Variants in NTRK2 observed in about 807,000 individuals in gnomAD.
The protein encoded by NTRK2 is BDNF/NT-3 growth factors receptor.
A neutral mutation model predicts 94.5 loss-of-function variants in NTRK2; 13 were observed. The ratio of observed to expected loss-of-function variants is 0.14; its 90% CI spans 0.09 to 0.22. The LOEUF is 0.22. NTRK2 is among the 10% of genes least tolerant of loss of function. The probability of loss-of-function intolerance (pLI) is 1.00; values close to 1 mark genes in which losing one functional copy is unlikely to be tolerated. For synonymous variants in NTRK2, 372 were observed against 407.4 expected, an observed-to-expected ratio of 0.91 and a Z score of 1.05; for missense variants, 639 against 1,071.2, an observed-to-expected ratio of 0.60 and a Z score of 5.63.
At chr9:84,853,247 G>A (rs2074876144) in intron 12 of NTRK2, among the ~76,000 whole-genome samples, 2 of 152,164 alleles carry the variant, frequency 1.3e-5, no homozygotes, top group African/African-American at 4.8e-5. Flanking sequence ...ATAGGCCTCA[G>A]ATGCCATTTC....
At chr9:84,819,358 G>A (rs1361067093) in intron 12 of NTRK2, among the ~76,000 whole-genome samples, 3 of 152,142 alleles carry the variant, frequency 2.0e-5, no homozygotes, top group Admixed American at 1.3e-4. Context: ...GTACAGAGTC[G>A]CCAGCACTGT....
chr9:84,787,221 T>C (rs13302094), intron 12 of NTRK2, among the ~76,000 whole-genome samples: 3,941 of 151,866 alleles, frequency 0.026, 76 homozygotes, highest in Admixed American at 0.046. Context: ...TCGCTTGAAC[T>C]TGGGAGGTGG....
At chr9:84,979,006 C>T (rs984824097) in intron 17 of NTRK2, among the ~76,000 whole-genome samples, 7 of 152,208 alleles carry the variant, frequency 4.6e-5, no homozygotes, top group African/African-American at 7.2e-5. Context: ...CAAAATGTTA[C>T]TGCTTATTGA....
chr9:84,875,476 A>G (rs1587785998), intron 14 of NTRK2: 1 of 1,063,058 alleles, frequency 9.4e-7, no homozygotes, highest in East Asian at 5.0e-5. Context: ...CACTCCAGAT[A>G]ACTCCAAATG....
chr9:85,013,734 T>C, intron 17 of NTRK2, among the ~76,000 whole-genome samples: 1 of 152,096 alleles, frequency 6.6e-6, no homozygotes, highest in East Asian at 1.9e-4. Flanking sequence ...GATGAGGAGG[T>C]CTAGGAGCCC....
At chr9:84,959,487 T>C (rs1824618486) in intron 17 of NTRK2, among the ~76,000 whole-genome samples, 1 of 152,194 alleles carries the variant, frequency 6.6e-6, no homozygotes, top group African/African-American at 2.4e-5. Context: ...GTGCAATTCA[T>C]GGCAGGAGGG....
At chr9:84,754,899 G>A (rs1256912240) in intron 12 of NTRK2, among the ~76,000 whole-genome samples, 2 of 152,120 alleles carry the variant, frequency 1.3e-5, no homozygotes, top group Non-Finnish European at 2.9e-5. Context: ...AGTGTTGACT[G>A]TTTCAATCTG....
intron 17 of NTRK2, among the ~76,000 whole-genome samples, chr9:85,018,513 T>C (rs1832486536): frequency 6.6e-6 from 1 of 152,180 alleles, no homozygotes; most frequent in South Asian, 2.1e-4. Context: ...GTGAGATCAT[T>C]CTACCCTCAT....
At chr9:84,990,634 C>T (rs752364229) in intron 17 of NTRK2, among the ~76,000 whole-genome samples, 40 of 152,164 alleles carry the variant, frequency 2.6e-4, no homozygotes, top group Non-Finnish European at 4.6e-4. Context: ...AACTCTCCCA[C>T]GTTGGTTCCA....
chr9:84,720,068 C>A (rs1461388063), intron 6 of NTRK2, among the ~76,000 whole-genome samples: 7 of 142,250 alleles, frequency 4.9e-5, no homozygotes, highest in African/African-American at 1.8e-4. Context: ...AAAGCACAAA[C>A]ACTTGCAAGC....
intron 14 of NTRK2, among the ~76,000 whole-genome samples, chr9:84,907,519 A>C (rs945492551): frequency 6.6e-6 from 1 of 152,208 alleles, no homozygotes; most frequent in Non-Finnish European, 1.5e-5. Context: ...GGAACAAAAA[A>C]CAGCACACAT....
At chr9:84,851,949 A>G (rs1021091245) in intron 12 of NTRK2, among the ~76,000 whole-genome samples, 1 of 152,258 alleles carries the variant, frequency 6.6e-6, no homozygotes, top group Non-Finnish European at 1.5e-5. Context: ...AATACGTAGC[A>G]GAAATTGCAA....
At chr9:85,009,400 A>C (rs939403155) in intron 17 of NTRK2, among the ~76,000 whole-genome samples, 2 of 152,214 alleles carry the variant, frequency 1.3e-5, no homozygotes, top group African/African-American at 4.8e-5. Context: ...TGAGAAGCAC[A>C]GGGCTACACT....
chr9:84,739,609 T>G (rs1017881795), intron 9 of NTRK2, among the ~76,000 whole-genome samples: 1 of 152,160 alleles, frequency 6.6e-6, no homozygotes, highest in South Asian at 2.1e-4. Context: ...GCTTGTCACT[T>G]TCTTATGGAG....
intron 2 of NTRK2, among the ~76,000 whole-genome samples, chr9:84,682,354 A>G (rs1290993990): frequency 1.3e-5 from 2 of 152,204 alleles, no homozygotes; most frequent in African/African-American, 4.8e-5. Context: ...GTAATATTTG[A>G]AAGTGATCAG....
intron 4 of NTRK2, among the ~76,000 whole-genome samples, chr9:84,707,111 T>C (rs1307810844): frequency 1.3e-5 from 2 of 152,200 alleles, no homozygotes; most frequent in Non-Finnish European, 2.9e-5. Flanking sequence ...ACACTGATCA[T>C]TGGAAACTCT....
chr9:84,682,380 A>C (rs1456302730), intron 2 of NTRK2, among the ~76,000 whole-genome samples: 1 of 152,194 alleles, frequency 6.6e-6, no homozygotes, highest in Non-Finnish European at 1.5e-5. Context: ...CAAGCAGCGC[A>C]AAGGAGTGTA....
intron 12 of NTRK2, among the ~76,000 whole-genome samples, chr9:84,820,138 C>T (rs956034486): frequency 2.7e-5 from 4 of 150,198 alleles, no homozygotes; most frequent in Admixed American, 2.7e-4. Context: ...AACTTAACTA[C>T]TAATAGCTTA....
intron 2 of NTRK2, among the ~76,000 whole-genome samples, chr9:84,676,440 G>A (rs999735269): frequency 6.6e-6 from 1 of 152,222 alleles, no homozygotes; most frequent in Non-Finnish European, 1.5e-5. Flanking sequence ...AACAAGGCTA[G>A]TGGCATGTTA....
Sources: gnomAD v4.1 joint callset for allele counts (sites outside exome capture counted in the v4.1 genomes callset) on GRCh38, gnomAD v4.1.1 for gene constraint, MANE v1.5 for transcripts, NCBI Gene and HGNC (gene_info 2026-07-23, HGNC 2026-07-21) for gene names.